DYNAP: variants seen among roughly 807,000 people sequenced by gnomAD.
DYNAP encodes the protein dynactin-associated protein.
A neutral mutation model predicts 8.5 loss-of-function variants in DYNAP; 7 were observed. The observed-to-expected ratio is 0.82, with a 90% CI of 0.47 to 1.54. The LOEUF is 1.54. Among genes scored for constraint, DYNAP ranks in the 40% most tolerant of loss-of-function variants. DYNAP has a pLI of 0.01. For synonymous variants in DYNAP, 77 were observed against 77.9 expected (o/e 0.99, Z 0.06); for missense variants, 256 against 224.3 (o/e 1.14, Z -0.90).
chr18:54,586,354 C>T (rs1157255637), upstream of DYNAP, among the ~76,000 whole-genome samples: 1 of 152,094 alleles, frequency 6.6e-6, no homozygotes, highest in Non-Finnish European at 1.5e-5. Flanking sequence ...CATGCTTGGA[C>T]AGAACTTGGA....
upstream of DYNAP, among the ~76,000 whole-genome samples, chr18:54,584,030 GA>G (rs574777100): frequency 1.3e-5 from 2 of 150,290 alleles, no homozygotes; most frequent in Non-Finnish European, 1.5e-5. Flanking sequence ...AAGAAAAAGT[GA>G]AAAAAAACAG....
At position 54,595,005 on chromosome 18, in the gene DYNAP, A is replaced by G. The variant is rs1193413783; in HGVS notation, c.124A>G (p.Ile42Val). ...ATGCTGGTGTCTACCTTCAAATGAT[A>G]TAACCAGTGATGTCTCTCCCAACTT... Reference protein sequence around the residue: ...SICWCLPSNDITSDVSPNLTG... With the variant: ...SICWCLPSNDVTSDVSPNLTG... The change falls in exon 2 of 3, where the codon ATA becomes GTA. Residue 42 changes from isoleucine (I) to valine (V), a missense_variant. Transcript: ENST00000648945. 1 of 1,612,836 alleles carries G rather than the reference A, an allele frequency of 6.2e-7. No homozygotes were observed. Among genetic ancestry groups the G allele is most frequent in the African/African-American group, 1.3e-5 (1 of 74,958 alleles).
At chr18:54,592,422 T>C (rs1053133044) in intron 1 of DYNAP, among the ~76,000 whole-genome samples, 23 of 152,170 alleles carry the variant, frequency 1.5e-4, no homozygotes, top group African/African-American at 5.1e-4. Context: ...TTTACTTTAT[T>C]ATATTATTCA....
chr18:54,591,029 G>C (rs867137188), upstream of DYNAP: 2 of 493,940 alleles, frequency 4.0e-6, no homozygotes, highest in African/African-American at 2.0e-5. Context: ...GGTTTTCAGA[G>C]GGAGTAGTCA....
intron 1 of DYNAP, among the ~76,000 whole-genome samples, chr18:54,594,267 A>G (rs1461611475): frequency 6.6e-6 from 1 of 152,132 alleles, no homozygotes; most frequent in Non-Finnish European, 1.5e-5. Context: ...CATACTGCAA[A>G]TTCGACAAAT....
chr18:54,592,176 C>T (rs1335186516), intron 1 of DYNAP, among the ~76,000 whole-genome samples: 1 of 151,936 alleles, frequency 6.6e-6, no homozygotes, highest in Non-Finnish European at 1.5e-5. Flanking sequence ...ACCAAAAGAA[C>T]CAAGATCTTC....
the DYNAP span, among the ~76,000 whole-genome samples, chr18:54,576,644 T>TA: frequency 0.6 from 89,360 of 149,802 alleles, 28,777 homozygotes; most frequent in Middle Eastern, 0.75. Context: ...ACAAAAACAA[T>TA]AAAAAAAAAT....
intron 1 of DYNAP, among the ~76,000 whole-genome samples, chr18:54,592,603 G>A (rs1256287513): frequency 2.0e-5 from 3 of 152,004 alleles, no homozygotes; most frequent in Admixed American, 2.0e-4. Context: ...AAAACTTACC[G>A]AATGTACTTT....
At chr18:54,587,983 C>T (rs1263127472), upstream of DYNAP, 1 of 394,970 alleles carries the variant, frequency 2.5e-6, no homozygotes, top group African/African-American at 2.1e-5. Context: ...GGTCCTTTCT[C>T]TAATTCCAAC....
chr18:54,595,761 T>C (rs1490310730), intron 2 of DYNAP, among the ~76,000 whole-genome samples: 1 of 152,100 alleles, frequency 6.6e-6, no homozygotes, highest in Non-Finnish European at 1.5e-5. Flanking sequence ...AAATTTAACA[T>C]TGACTATAAA....
upstream of DYNAP, among the ~76,000 whole-genome samples, chr18:54,586,589 G>C (rs995315784): frequency 2.0e-5 from 3 of 152,100 alleles, no homozygotes; most frequent in Non-Finnish European, 4.4e-5. Context: ...TCTTGACAGT[G>C]AATTCAAGCT....
rs1298353446 is a variant in DYNAP, at chr18:54,591,287, A to T, written c.5A>T (p.Asp2Val). The change falls in exon 1 of 3, where the codon GAC (aspartate) becomes GTC (valine). Residue 2 changes from aspartate to valine, a missense_variant. Physicochemically the swap from Asp to Val is radical, Grantham distance 152 (BLOSUM62 -3). Transcript: ENST00000648945. ...TGTGATACTGGCAGCTCAAGAATGG[A>T]CAGAAAGCATGGAAAATACATATTG... Reference protein sequence around the residue: MDRKHGKYILNV... With the variant: MVRKHGKYILNV... The T allele has an allele frequency of 6.2e-7, 1 of 1,613,092 alleles. No homozygotes were observed. Among genetic ancestry groups the T allele is most frequent in the Non-Finnish European group, 8.5e-7 (1 of 1,179,348 alleles).
upstream of DYNAP, among the ~76,000 whole-genome samples, chr18:54,586,257 A>G (rs1029323699): frequency 2.0e-5 from 3 of 152,020 alleles, no homozygotes; most frequent in Non-Finnish European, 2.9e-5. Context: ...CTCAGCTCCA[A>G]AAGCTGGGGC....
upstream of DYNAP, among the ~76,000 whole-genome samples, chr18:54,586,948 A>C (rs1002879534): frequency 2.0e-4 from 31 of 152,204 alleles, no homozygotes; most frequent in Non-Finnish European, 1.0e-4. Context: ...AATTAAAGCT[A>C]TTCTTTTCTT....
At chr18:54,593,973 A>G (rs1434768865) in intron 1 of DYNAP, among the ~76,000 whole-genome samples, 3 of 152,008 alleles carry the variant, frequency 2.0e-5, no homozygotes. Flanking sequence ...CTTTTCCACA[A>G]GATCCATAAA....
In DYNAP at chr18:54,598,895, C is replaced by T. The variant is rs1349093734; in HGVS notation, c.*750C>T. On this transcript the variant is annotated 3_prime_UTR_variant, in exon 3 of 3. Coordinates refer to ENST00000648945, the MANE Select transcript of DYNAP (RefSeq NM_173629.3). ...CTGAAGTCTGCTTTCTGAGAGATTC[C>T]TCTGCACAATAAAACTTGATCTCCA... is the stretch of plus-strand genomic sequence containing the variant. 1 of 152,082 alleles carries T rather than the reference C, an allele frequency of 6.6e-6. No individual in the cohort carries two copies. Among genetic ancestry groups the T allele is most frequent in the Non-Finnish European group, 1.5e-5 (1 of 68,000 alleles). 9.4% of individuals were successfully genotyped at this position (152,082 alleles called of 1,614,324 possible).
At chr18:54,590,047 A>G (rs1911009767), upstream of DYNAP, among the ~76,000 whole-genome samples, 1 of 152,266 alleles carries the variant, frequency 6.6e-6, no homozygotes, top group East Asian at 1.9e-4. Context: ...CATTTTAAGT[A>G]TACAGTTAAG....
At chr18:54,579,060 A>G in the DYNAP span, among the ~76,000 whole-genome samples, 1 of 152,104 alleles carries the variant, frequency 6.6e-6, no homozygotes, top group South Asian at 2.1e-4. Context: ...CGGCCTCCCA[A>G]AGTGCTGGGA....
At chr18:54,586,167 A>G (rs1910870896), upstream of DYNAP, among the ~76,000 whole-genome samples, 1 of 151,878 alleles carries the variant, frequency 6.6e-6, no homozygotes, top group Admixed American at 6.6e-5. Context: ...ATCTGCCACA[A>G]TTTTTTCATG....
Sources: gnomAD v4.1 joint callset for allele counts (sites outside exome capture counted in the v4.1 genomes callset) on GRCh38, gnomAD v4.1.1 for gene constraint, MANE v1.5 for transcripts, NCBI Gene and HGNC (gene_info 2026-07-23, HGNC 2026-07-21) for gene names.